ANLN: variants seen among roughly 807,000 people sequenced by gnomAD.
ANLN encodes the protein anillin.
Under a neutral mutation model 135.1 loss-of-function variants are expected in ANLN, and 59 were observed. That is an observed-to-expected ratio of 0.44 (90% CI 0.35 to 0.54). ANLN has a LOEUF of 0.54. ANLN is among the 20% of genes least tolerant of loss of function. ANLN has a pLI of 0.00. For synonymous variants in ANLN, 406 were observed against 456.4 expected (o/e 0.89, Z 1.41); for missense variants, 1,182 against 1,340.0 (o/e 0.88, Z 1.84).
chr7:36,399,434 A>T (rs748556587), intron 3 of ANLN, 41 bp downstream of exon 3: 11 of 1,480,478 alleles, frequency 7.4e-6, no homozygotes, highest in Non-Finnish European at 1.0e-5. Context: ...CATCTGTTCC[A>T]ATAAGATTCA....
chr7:36,438,376 G>T (rs1339686670), intron 20 of ANLN, among the ~76,000 whole-genome samples: 1 of 152,022 alleles, frequency 6.6e-6, no homozygotes, highest in Non-Finnish European at 1.5e-5. Flanking sequence ...TGGTGTTTTT[G>T]ATTTTGTTTC....
At chr7:36,420,807 G>T in intron 12 of ANLN, 63 bp downstream of exon 12, 2 of 1,559,706 alleles carry the variant, frequency 1.3e-6, no homozygotes, top group Admixed American at 1.7e-5. Flanking sequence ...AGCTCTGTGA[G>T]GACAAAGGGC....
Position 36,415,878 on chromosome 7 carries a change from C to T in ANLN, c.1516C>T (p.Pro506Ser). ...QIPAKNSSTEPKGFTECEMTK... is the reference protein window; with the variant it reads ...QIPAKNSSTESKGFTECEMTK... ...ACCAGCCAAAAATTCTAGTACAGAA[C>T]CTAAAGGTCAGTGTTTCCAGATTGT... The change falls in exon 8 of 24, where the codon CCT becomes TCT. Residue 506 changes from proline (P) to serine (S), a missense_variant. This residue lies in a region of ANLN where 1,022 missense variants were observed against 1,134.0 expected (regional missense o/e 0.90). Coordinates refer to ENST00000265748, the MANE Select transcript of ANLN (RefSeq NM_018685.5). 6 of 1,584,342 alleles carry T rather than the reference C, an allele frequency of 3.8e-6. No individual in the cohort carries two copies. The highest frequency in any genetic ancestry group is 5.1e-6 in the Non-Finnish European group (6 of 1,169,996).
At chr7:36,394,944 T>C (rs1222077868) in intron 1 of ANLN, among the ~76,000 whole-genome samples, 1 of 152,200 alleles carries the variant, frequency 6.6e-6, no homozygotes, top group Non-Finnish European at 1.5e-5. Flanking sequence ...CATGACTTTA[T>C]GGAATGGCTA....
intron 3 of ANLN, among the ~76,000 whole-genome samples, chr7:36,405,233 A>G (rs754822475): frequency 2.0e-5 from 3 of 152,234 alleles, no homozygotes; most frequent in African/African-American, 4.8e-5. Context: ...TATCCTAACT[A>G]TATAGTAGGC....
intron 1 of ANLN, among the ~76,000 whole-genome samples, chr7:36,390,947 T>C (rs1786426208): frequency 6.6e-6 from 1 of 152,250 alleles, no homozygotes; most frequent in South Asian, 2.1e-4. Flanking sequence ...TTTTGAGTGT[T>C]GCAAAGTGGA....
intron 7 of ANLN, among the ~76,000 whole-genome samples, chr7:36,412,004 C>T (rs1368632480): frequency 1.3e-5 from 2 of 152,076 alleles, no homozygotes; most frequent in African/African-American, 4.8e-5. Flanking sequence ...GCTGTAGTAT[C>T]TTCCCCTTGT....
chr7:36,450,701 A>G (rs1789207834), intron 23 of ANLN, among the ~76,000 whole-genome samples: 1 of 152,136 alleles, frequency 6.6e-6, no homozygotes, highest in South Asian at 2.1e-4. Flanking sequence ...GGGGCCTTCT[A>G]TGCAGTGGTG....
At chr7:36,424,281 C>A (rs1210817416) in intron 15 of ANLN, among the ~76,000 whole-genome samples, 1 of 152,010 alleles carries the variant, frequency 6.6e-6, no homozygotes, top group African/African-American at 2.4e-5. Context: ...TTTAGTGAAA[C>A]ATTTATTTTT....
intron 22 of ANLN, among the ~76,000 whole-genome samples, chr7:36,447,921 A>C (rs377658625): frequency 2.0e-5 from 3 of 152,054 alleles, no homozygotes; most frequent in Admixed American, 6.6e-5. Flanking sequence ...CTGTATGACT[A>C]TTCTTGGTCC....
intron 7 of ANLN, among the ~76,000 whole-genome samples, chr7:36,414,979 C>T (rs1349996157): frequency 1.3e-5 from 2 of 152,156 alleles, no homozygotes. Flanking sequence ...ATATAAGGTG[C>T]TTAGAAAGGT....
rs188228038 is a variant in ANLN, at chr7:36,406,546, G to C, written c.853G>C (p.Ala285Pro). 40 of 1,510,052 alleles carry C rather than the reference G, an allele frequency of 2.6e-5. No homozygotes were observed. The Admixed American group carries it at 8.4e-4, about 32-fold the overall frequency. 93.5% of individuals were successfully genotyped at this position (1,510,052 alleles called of 1,614,324 possible). Residue 285 changes from alanine (A) to proline (P), a missense_variant, in exon 4 of 24, where the codon GCC (alanine) becomes CCC (proline). By Grantham distance (27) the Ala-to-Pro change is conservative (BLOSUM62 -1). Transcript: ENST00000265748. Reference protein sequence around the residue: ...SSADDASLVNASISSSVKATS... With the variant: ...SSADDASLVNPSISSSVKATS... Reference sequence around the variant, plus strand: ...TGCTGATGATGCGTCTTTGGTTAATGCCTCAATTTCCAGCTCTGTGGTAAG... The same window carrying C: ...TGCTGATGATGCGTCTTTGGTTAATCCCTCAATTTCCAGCTCTGTGGTAAG...
intron 5 of ANLN, among the ~76,000 whole-genome samples, chr7:36,408,323 A>T (rs1269781935): frequency 1.3e-5 from 2 of 152,168 alleles, no homozygotes; most frequent in African/African-American, 4.8e-5. Flanking sequence ...AGTGCTTCTC[A>T]ATCTTGAGTA....
intron 7 of ANLN, 80 bp from the exon 8 acceptor site, chr7:36,415,677 AT>A (rs1787608325): frequency 1.5e-6 from 2 of 1,376,274 alleles, no homozygotes; most frequent in Non-Finnish European, 1.9e-6. Flanking sequence ...TTTAATAATA[AT>A]CTTGTTTCAT....
chr7:36,429,894 A>C lies in ANLN; in HGVS notation c.2883+2866A>C, dbSNP rs148945964. 4.7e-4 allele frequency among the ~76,000 whole-genome samples: 72 copies of C among 152,336 alleles called. 1 individual carries two copies. In the East Asian group the frequency reaches 0.01, roughly 21 times the overall value. On this transcript the variant is annotated intron_variant, in intron 20 of 23. Transcript: ENST00000265748. ...CTTAACTCCTTTGAATTTATAACTT[A>C]AATAGCCAACCACATGATTGAGTGC... is the stretch of plus-strand genomic sequence containing the variant.
intron 20 of ANLN, 27 bp from the exon 21 acceptor site, chr7:36,439,177 C>T: frequency 1.5e-6 from 2 of 1,333,294 alleles, no homozygotes; most frequent in Non-Finnish European, 2.1e-6. Context: ...ACCTGTTTTG[C>T]AAATAATTTA....
intron 23 of ANLN, among the ~76,000 whole-genome samples, chr7:36,450,711 G>C (rs1006744278): frequency 4.6e-5 from 7 of 152,122 alleles, no homozygotes; most frequent in African/African-American, 1.7e-4. Flanking sequence ...ATGCAGTGGT[G>C]GAATCAGACA....
At chr7:36,443,680 G>C (rs563268362) in intron 21 of ANLN, 75 bp from the exon 22 acceptor site, 1 of 908,960 alleles carries the variant, frequency 1.1e-6, no homozygotes, top group African/African-American at 1.6e-5. Flanking sequence ...TACAGTTAGT[G>C]TACAGAATCA....
At chr7:36,418,655 A>G (rs1345821212) in intron 9 of ANLN, among the ~76,000 whole-genome samples, 1 of 152,168 alleles carries the variant, frequency 6.6e-6, no homozygotes, top group Non-Finnish European at 1.5e-5. Context: ...GTCTTTGGCT[A>G]TTATTCTACA....
Sources: allele counts gnomAD v4.1 joint callset (sites outside exome capture counted in the v4.1 genomes callset), GRCh38; gene constraint gnomAD v4.1.1; regional missense constraint gnomAD v4.1.1; transcripts MANE v1.5; gene names NCBI Gene and HGNC (gene_info 2026-07-23, HGNC 2026-07-21).